Variants in PREX1 observed in about 807,000 individuals in gnomAD.
PREX1 encodes the protein phosphatidylinositol 3,4,5-trisphosphate-dependent Rac exchanger 1 protein.
PREX1 carries 41 observed loss-of-function variants against 198.3 expected under a neutral mutation model. That is an observed-to-expected ratio of 0.21 (90% CI 0.16 to 0.27). The LOEUF is 0.27. Among genes scored for constraint, PREX1 ranks in the 10% least tolerant of loss-of-function variants. The probability of loss-of-function intolerance (pLI) is 1.00; values close to 1 mark genes in which losing one functional copy is unlikely to be tolerated. For synonymous variants in PREX1, 843 were observed against 887.2 expected (o/e 0.95, Z 0.89); for missense variants, 1,620 against 2,200.7 (o/e 0.74, Z 5.28).
chr20:48,804,862 G>C (rs540225370), intron 1 of PREX1, among the ~76,000 whole-genome samples: 7 of 152,310 alleles, frequency 4.6e-5, no homozygotes, highest in African/African-American at 1.7e-4. Context: ...GGAGGTGCCA[G>C]AGTGACTGGA....
intron 1 of PREX1, among the ~76,000 whole-genome samples, chr20:48,788,164 T>G (rs1047962983): frequency 3.9e-5 from 6 of 152,216 alleles, no homozygotes; most frequent in Non-Finnish European, 8.8e-5. Flanking sequence ...GGGAACATTT[T>G]GCTGCTAAGA....
At position 48,657,011 on chromosome 20, in the gene PREX1, T is replaced by C. The variant is rs189240596; in HGVS notation, c.2123+29A>G. 5.0e-4 allele frequency: 784 copies of C among 1,560,670 alleles called. 4 individuals carry two copies. The highest frequency in any genetic ancestry group is 6.5e-5 in the Non-Finnish European group (75 of 1,152,508). The stretch of plus-strand genomic sequence containing the variant: ...CACCACTCAGCCTGAGAGGGAGGGC[T>C]GCCGGACACCCCGCCCTGGGACACT... On this transcript the variant is annotated intron_variant, in intron 18 of 39. Transcript: ENST00000371941.
chr20:48,852,872 G>T, the PREX1 span, among the ~76,000 whole-genome samples: 2 of 152,230 alleles, frequency 1.3e-5, no homozygotes, highest in Non-Finnish European at 2.9e-5. Flanking sequence ...TTAGGTACTG[G>T]TATGGAATGA....
the PREX1 span, among the ~76,000 whole-genome samples, chr20:48,836,046 A>G: frequency 6.6e-6 from 1 of 152,234 alleles, no homozygotes; most frequent in Non-Finnish European, 1.5e-5. Flanking sequence ...ACTCGACTCT[A>G]TTAGTGGCTC....
rs3936193 is a variant in PREX1, at chr20:48,629,589, G to C, written c.4626C>G (p.Leu1542=). 2 of 1,614,090 alleles carry C rather than the reference G, an allele frequency of 1.2e-6. No individual in the cohort carries two copies. Among genetic ancestry groups the C allele is most frequent in the Non-Finnish European group, 1.7e-6 (2 of 1,179,980 alleles). Residue 1542 remains leucine (L), a synonymous_variant, in exon 37 of 40, where the codon CTC becomes CTG. Coordinates refer to ENST00000371941, the MANE Select transcript of PREX1 (RefSeq NM_020820.4). The stretch of plus-strand genomic sequence containing the variant: ...GGACAAAGGACTTCATGAGGCGGCA[G>C]AGCTCATCCAGGGCATTGATGGGGC... The part of the protein sequence containing the change: ...LIRPINALDE[L]CRLMKSFVHP...
At chr20:48,795,874 A>G (rs1173519130) in intron 1 of PREX1, among the ~76,000 whole-genome samples, 1 of 152,190 alleles carries the variant, frequency 6.6e-6, no homozygotes. Flanking sequence ...CACCTGCTCC[A>G]CCAGCCTCTG....
At chr20:48,859,259 C>T in the PREX1 span, among the ~76,000 whole-genome samples, 7 of 152,190 alleles carry the variant, frequency 4.6e-5, no homozygotes, top group African/African-American at 7.2e-5. Flanking sequence ...CAAAAAGATT[C>T]TTAGAAAACT....
intron 10 of PREX1, among the ~76,000 whole-genome samples, chr20:48,685,564 C>G (rs2089779119): frequency 6.6e-6 from 1 of 152,194 alleles, no homozygotes; most frequent in Non-Finnish European, 1.5e-5. Flanking sequence ...CCCAATGTCA[C>G]ACAGCTAGAA....
At chr20:48,796,637 T>C (rs958748723) in intron 1 of PREX1, among the ~76,000 whole-genome samples, 3 of 151,166 alleles carry the variant, frequency 2.0e-5, no homozygotes, top group African/African-American at 4.9e-5. Context: ...TACATATACA[T>C]ATATACTGTA....
chr20:48,739,566 G>A (rs1316336755), intron 3 of PREX1, among the ~76,000 whole-genome samples: 1 of 152,170 alleles, frequency 6.6e-6, no homozygotes, highest in East Asian at 1.9e-4. Flanking sequence ...TTCACAGTCT[G>A]CACTGGCATC....
At chr20:48,816,369 T>C (rs554622153) in intron 1 of PREX1, among the ~76,000 whole-genome samples, 3 of 152,176 alleles carry the variant, frequency 2.0e-5, no homozygotes, top group African/African-American at 7.2e-5. Context: ...CCCTGGAGGA[T>C]CCTTTCCCAT....
Position 48,807,296 on chromosome 20 carries a change from C to T in PREX1, c.219+20346G>A, listed in dbSNP as rs141048228. Among the ~76,000 whole-genome samples the T allele has an allele frequency of 9.7e-4, 148 of 152,266 alleles. 3 individuals carry two copies. In the East Asian group the frequency reaches 0.022, roughly 23 times the overall value. On this transcript the variant is annotated intron_variant, in intron 1 of 39. Coordinates refer to ENST00000371941, the MANE Select transcript of PREX1 (RefSeq NM_020820.4). ...CACTCATAAATACCCATTGAGAGAG[C>T]CTTTTTTGTGTTTTTTTTTCTCTAC...
chr20:48,786,709 C>A (rs562424817), intron 1 of PREX1, among the ~76,000 whole-genome samples: 45 of 148,090 alleles, frequency 3.0e-4, no homozygotes, highest in Middle Eastern at 3.5e-3. Flanking sequence ...CATGCCACTG[C>A]ACTCCAGCCT....
intron 1 of PREX1, among the ~76,000 whole-genome samples, chr20:48,795,802 G>T (rs375228120): frequency 6.6e-6 from 1 of 152,116 alleles, no homozygotes; most frequent in African/African-American, 2.4e-5. Context: ...GTGATCCTAC[G>T]TTTACCCTCA....
chr20:48,652,491 AGGAGGGGAGG>A (rs1285723907), intron 21 of PREX1, 85 bp downstream of exon 21: 2 of 1,438,156 alleles, frequency 1.4e-6, no homozygotes, highest in African/African-American at 2.9e-5. Context: ...ACTGGCTGGG[AGGAGGGGAGG>A]GGAGGGGACA....
At chr20:48,652,145 A>G (rs2089502901) in intron 21 of PREX1, among the ~76,000 whole-genome samples, 1 of 152,242 alleles carries the variant, frequency 6.6e-6, no homozygotes, top group African/African-American at 2.4e-5. Context: ...CATCGTGGGC[A>G]TCGCGGCCGT....
chr20:48,654,125 C>A lies in PREX1; in HGVS notation c.2210-628G>T, dbSNP rs183156859. Among the ~76,000 whole-genome samples the A allele has an allele frequency of 1.8e-4, 28 of 152,316 alleles. No individual in the cohort carries two copies. In the East Asian group the frequency reaches 4.2e-3, roughly 23 times the overall value. The stretch of plus-strand genomic sequence containing the variant: ...CTTCAAACCCTGGCTCTGCCATAGA[C>A]CGACCCTGGAACCTTCGGCAAGTCC... On this transcript the variant is annotated intron_variant, in intron 19 of 39. Coordinates refer to ENST00000371941, the MANE Select transcript of PREX1 (RefSeq NM_020820.4).
At chr20:48,878,869 T>A in the PREX1 span, among the ~76,000 whole-genome samples, 1 of 152,190 alleles carries the variant, frequency 6.6e-6, no homozygotes, top group Non-Finnish European at 1.5e-5. Flanking sequence ...TTGGGATGAT[T>A]AGAAATGAAA....
At chr20:48,743,207 A>C (rs991734269) in intron 3 of PREX1, among the ~76,000 whole-genome samples, 1 of 152,174 alleles carries the variant, frequency 6.6e-6, no homozygotes, top group Non-Finnish European at 1.5e-5. Context: ...TGGGCTGGCG[A>C]GCAGTAGAAC....
Sources: gnomAD v4.1 joint callset for allele counts (sites outside exome capture counted in the v4.1 genomes callset) on GRCh38, gnomAD v4.1.1 for gene constraint, MANE v1.5 for transcripts, NCBI Gene and HGNC (gene_info 2026-07-23, HGNC 2026-07-21) for gene names.